MACROD2: variants seen among roughly 807,000 people sequenced by gnomAD.
MACROD2 encodes the protein mono-ADP ribosylhydrolase 2, also known as ADP-ribose glycohydrolase MACROD2.
MACROD2 carries 36 observed loss-of-function variants against 70.4 expected under a neutral mutation model. The observed-to-expected ratio is 0.51, with a 90% CI of 0.39 to 0.68. The LOEUF is 0.68. MACROD2 is among the 30% of genes least tolerant of loss of function. The pLI is 0.00. For synonymous variants in MACROD2, 172 were observed against 178.8 expected (o/e 0.96, Z 0.30); for missense variants, 496 against 538.4 (o/e 0.92, Z 0.78).
At chr20:15,913,028 T>C (rs183193984) in intron 10 of MACROD2, among the ~76,000 whole-genome samples, 3 of 152,290 alleles carry the variant, frequency 2.0e-5, no homozygotes, top group Admixed American at 2.0e-4. Context: ...TTTTCTCATC[T>C]GTAAAATGGG....
intron 5 of MACROD2, chr20:14,893,495 C>T (rs527899463): frequency 6.6e-6 from 1 of 152,140 alleles, no homozygotes; most frequent in East Asian, 1.9e-4. Flanking sequence ...TATGCATACA[C>T]GGCTTTAAAA....
intron 4 of MACROD2, among the ~76,000 whole-genome samples, chr20:14,683,415 G>A (rs1320969087): frequency 6.6e-6 from 1 of 152,126 alleles, no homozygotes; most frequent in Non-Finnish European, 1.5e-5. Flanking sequence ...TGCCATATCT[G>A]GTAAATGTTT....
chr20:15,100,279 G>A (rs540218092), intron 5 of MACROD2, among the ~76,000 whole-genome samples: 1 of 151,770 alleles, frequency 6.6e-6, no homozygotes, highest in Non-Finnish European at 1.5e-5. Context: ...TGATAGATTT[G>A]TTGAGGTATT....
chr20:15,671,695 T>C (rs2049981953), intron 8 of MACROD2, among the ~76,000 whole-genome samples: 1 of 152,200 alleles, frequency 6.6e-6, no homozygotes, highest in Non-Finnish European at 1.5e-5. Flanking sequence ...GATGGAATCA[T>C]GGGAACATGT....
chr20:15,200,670 G>A (rs147340987), intron 5 of MACROD2, among the ~76,000 whole-genome samples: 10 of 152,284 alleles, frequency 6.6e-5, no homozygotes, highest in East Asian at 1.9e-4. Flanking sequence ...GCATGATCCC[G>A]ATTTGTAGTT....
chr20:15,035,411 A>AG (rs2075305269), intron 5 of MACROD2, among the ~76,000 whole-genome samples: 1 of 125,412 alleles, frequency 8.0e-6, no homozygotes, highest in African/African-American at 3.7e-5. Context: ...CTCCAAAAAA[A>AG]TAAGTAAAAT....
At chr20:15,490,203 CCCTTCCTTCCTTCCTT>C (rs1219281136) in intron 7 of MACROD2, among the ~76,000 whole-genome samples, 1 of 141,532 alleles carries the variant, frequency 7.1e-6, no homozygotes, top group Non-Finnish European at 1.5e-5. Flanking sequence ...TCCTCCCTCC[CCCTTCCTTCCTTCCTT>C]CCTCCCTTCC....
intron 8 of MACROD2, among the ~76,000 whole-genome samples, chr20:15,551,777 A>T (rs868316127): frequency 1.5e-4 from 23 of 149,820 alleles, no homozygotes; most frequent in Non-Finnish European, 1.8e-4. Flanking sequence ...CTGAGGCAGG[A>T]GGATTAGTTG....
intron 3 of MACROD2, among the ~76,000 whole-genome samples, chr20:14,489,408 A>AT (rs911100981): frequency 2.6e-5 from 4 of 152,172 alleles, no homozygotes; most frequent in Admixed American, 6.5e-5. Flanking sequence ...AATTTATCAG[A>AT]TTTTTTAGCA....
At chr20:15,752,007 A>ATAAATT (rs1568541244) in intron 8 of MACROD2, among the ~76,000 whole-genome samples, 1 of 151,892 alleles carries the variant, frequency 6.6e-6, no homozygotes, top group African/African-American at 2.4e-5. Context: ...ATAAATTCCC[A>ATAAATT]CAGTTCTAGA....
chr20:15,532,603 A>G (rs1414938923), intron 8 of MACROD2, among the ~76,000 whole-genome samples: 1 of 151,032 alleles, frequency 6.6e-6, no homozygotes, highest in Non-Finnish European at 1.5e-5. Flanking sequence ...AAGTATACCA[A>G]TTATATAAAC....
chr20:14,318,176 C>T (rs1380417340), intron 3 of MACROD2, among the ~76,000 whole-genome samples: 1 of 152,082 alleles, frequency 6.6e-6, no homozygotes, highest in Non-Finnish European at 1.5e-5. Flanking sequence ...ATTATCAGAG[C>T]CCCCAACATA....
At chr20:15,118,341 C>T (rs970728330) in intron 5 of MACROD2, among the ~76,000 whole-genome samples, 4 of 152,000 alleles carry the variant, frequency 2.6e-5, no homozygotes, top group South Asian at 2.1e-4. Flanking sequence ...TACAGGCATG[C>T]GCCACCACAC....
At chr20:14,990,386 A>G (rs1156360031) in intron 5 of MACROD2, among the ~76,000 whole-genome samples, 1 of 151,968 alleles carries the variant, frequency 6.6e-6, no homozygotes, top group African/African-American at 2.4e-5. Flanking sequence ...ATGTTGAGAT[A>G]TCTCTGAAGA....
chr20:15,537,278 C>T (rs1014249255), intron 8 of MACROD2, among the ~76,000 whole-genome samples: 4 of 151,974 alleles, frequency 2.6e-5, no homozygotes, highest in African/African-American at 7.3e-5. Context: ...GTGAAGCCTC[C>T]CCAGCCATGT....
rs1236763217 is a variant in MACROD2 at position 15,620,324 on chromosome 20, GC to G, written c.645+120479del. 2.6e-5 allele frequency among the ~76,000 whole-genome samples: 4 copies of G among 152,282 alleles called. No homozygotes were observed. The East Asian group carries it at 7.7e-4, about 29-fold the overall frequency. The stretch of plus-strand genomic sequence containing the variant: ...GTTATAATGAGTCTCAGGGTCTGGG[GC>G]CATCAAAGAAGGGATGATCATGTTG... On this transcript the variant is annotated intron_variant, in intron 8 of 17. Coordinates refer to ENST00000684519, the MANE Select transcript of MACROD2 (RefSeq NM_001351661.2).
chr20:15,926,061 G>A (rs2065485033), intron 10 of MACROD2, among the ~76,000 whole-genome samples: 1 of 152,174 alleles, frequency 6.6e-6, no homozygotes, highest in Admixed American at 6.5e-5. Context: ...TTAGTCTGGA[G>A]AACTATATTG....
intron 6 of MACROD2, among the ~76,000 whole-genome samples, chr20:15,296,746 T>C (rs192013634): frequency 2.2e-4 from 34 of 152,322 alleles, no homozygotes; most frequent in African/African-American, 7.2e-4. Flanking sequence ...AAGAAGAATA[T>C]CTCATTTGCC....
At chr20:15,417,023 G>C (rs2146333311) in intron 6 of MACROD2, among the ~76,000 whole-genome samples, 1 of 152,322 alleles carries the variant, frequency 6.6e-6, no homozygotes, top group Middle Eastern at 3.4e-3. Context: ...TTTGTTGAGA[G>C]AACATGCCGA....
Sources: gnomAD v4.1 joint callset for allele counts (sites outside exome capture counted in the v4.1 genomes callset) on GRCh38, gnomAD v4.1.1 for gene constraint, MANE v1.5 for transcripts, NCBI Gene and HGNC (gene_info 2026-07-23, HGNC 2026-07-21) for gene names.